Variants in SDHAF3 observed in about 807,000 individuals in gnomAD.
The protein encoded by SDHAF3 is succinate dehydrogenase assembly factor 3, mitochondrial.
SDHAF3 carries 18 observed loss-of-function variants against 11.5 expected under a neutral mutation model. The observed-to-expected ratio is 1.56, with a 90% CI of 1.08 to 2.32. The LOEUF (loss-of-function observed/expected upper bound fraction) is 2.32, where lower values mean the gene tolerates loss of function less well. Among genes scored for constraint, SDHAF3 ranks in the 30% most tolerant of loss-of-function variants. The pLI is 0.00. For missense variants in SDHAF3, 200 were observed against 154.4 expected (o/e 1.30, Z -1.57); for synonymous variants, 72 against 59.3 (o/e 1.21, Z -0.99).
intron 1 of SDHAF3, among the ~76,000 whole-genome samples, chr7:97,164,325 T>C (rs942663329): frequency 6.6e-6 from 1 of 151,360 alleles, no homozygotes; most frequent in Non-Finnish European, 1.5e-5. Flanking sequence ...ATTCAACAGA[T>C]TGTATGGTGG....
intron 1 of SDHAF3, among the ~76,000 whole-genome samples, chr7:97,123,305 TC>T (rs1419028844): frequency 1.3e-5 from 2 of 152,184 alleles, no homozygotes; most frequent in African/African-American, 4.8e-5. Context: ...TTCATCCATG[TC>T]CCAGCAAAGG....
chr7:97,167,348 C>T (rs1003852286), intron 1 of SDHAF3, among the ~76,000 whole-genome samples: 2 of 152,176 alleles, frequency 1.3e-5, no homozygotes, highest in Admixed American at 6.5e-5. Flanking sequence ...TATGATTGTA[C>T]ATTTCCTGAG....
intron 1 of SDHAF3, among the ~76,000 whole-genome samples, chr7:97,160,329 G>A (rs10266728): frequency 2.5e-3 from 372 of 150,254 alleles, no homozygotes; most frequent in African/African-American, 8.7e-3. Flanking sequence ...CCTCTGCCCA[G>A]CCGCCCCATC....
intron 1 of SDHAF3, among the ~76,000 whole-genome samples, chr7:97,145,407 T>C (rs1230605790): frequency 6.6e-6 from 1 of 152,220 alleles, no homozygotes; most frequent in Non-Finnish European, 1.5e-5. Flanking sequence ...ATATATATGT[T>C]TTAACTAATT....
intron 1 of SDHAF3, among the ~76,000 whole-genome samples, chr7:97,142,412 A>G (rs1013218360): frequency 1.3e-5 from 2 of 152,118 alleles, no homozygotes; most frequent in Non-Finnish European, 2.9e-5. Flanking sequence ...CTGAAATTGT[A>G]TTTTATAAAT....
chr7:97,134,281 A>G (rs994388883), intron 1 of SDHAF3, among the ~76,000 whole-genome samples: 3 of 152,200 alleles, frequency 2.0e-5, no homozygotes, highest in Non-Finnish European at 2.9e-5. Flanking sequence ...ACTTCCAATC[A>G]TGGGCCTCAA....
chr7:97,159,505 C>T (rs1345629754), intron 1 of SDHAF3, among the ~76,000 whole-genome samples: 2 of 152,172 alleles, frequency 1.3e-5, no homozygotes, highest in African/African-American at 4.8e-5. Context: ...CCAAATAGCC[C>T]CCTCAGCACA....
At chr7:97,121,149 G>C (rs1420946351) in intron 1 of SDHAF3, among the ~76,000 whole-genome samples, 1 of 152,166 alleles carries the variant, frequency 6.6e-6, no homozygotes, top group East Asian at 1.9e-4. Flanking sequence ...GTAACTATTA[G>C]AAGTGAAATT....
chr7:97,164,159 C>T (rs377226674), intron 1 of SDHAF3, among the ~76,000 whole-genome samples: 6 of 151,216 alleles, frequency 4.0e-5, no homozygotes, highest in East Asian at 1.9e-4. Context: ...TTGGCCAAGA[C>T]GGTCTCGATC....
At chr7:97,166,632 A>C (rs1789509708) in intron 1 of SDHAF3, among the ~76,000 whole-genome samples, 2 of 152,104 alleles carry the variant, frequency 1.3e-5, no homozygotes, top group South Asian at 4.1e-4. Flanking sequence ...TGAATTCCAA[A>C]AGGAAGAAGG....
At chr7:97,138,064 C>T (rs768096628) in intron 1 of SDHAF3, among the ~76,000 whole-genome samples, 7 of 151,522 alleles carry the variant, frequency 4.6e-5, no homozygotes, top group Non-Finnish European at 8.8e-5. Context: ...TAGGTTTCAC[C>T]GCGTTGGCTA....
intron 1 of SDHAF3, among the ~76,000 whole-genome samples, chr7:97,151,883 T>G (rs1299594808): frequency 1.3e-5 from 2 of 152,126 alleles, no homozygotes; most frequent in Non-Finnish European, 2.9e-5. Flanking sequence ...AACTTCAGCT[T>G]GCATCCACTG....
At chr7:97,159,261 T>A (rs559196336) in intron 1 of SDHAF3, among the ~76,000 whole-genome samples, 1 of 152,332 alleles carries the variant, frequency 6.6e-6, no homozygotes, top group Non-Finnish European at 1.5e-5. Context: ...TAATCTCCTC[T>A]AAGCAGTGAT....
intron 1 of SDHAF3, among the ~76,000 whole-genome samples, chr7:97,127,777 G>A (rs540092307): frequency 6.6e-6 from 1 of 152,174 alleles, no homozygotes; most frequent in South Asian, 2.1e-4. Flanking sequence ...CATTTCCCAA[G>A]TATGAGTGGG....
At chr7:97,180,978 T>G (rs1789762755) in intron 1 of SDHAF3, 34 bp from the exon 2 acceptor site, 1 of 1,549,584 alleles carries the variant, frequency 6.5e-7, no homozygotes, top group Non-Finnish European at 8.7e-7. Flanking sequence ...TATTTAAACT[T>G]TACATCTATA....
intron 1 of SDHAF3, among the ~76,000 whole-genome samples, chr7:97,163,969 G>C (rs181816236): frequency 7.4e-5 from 11 of 147,736 alleles, no homozygotes; most frequent in Non-Finnish European, 1.5e-4. Context: ...TTTTTTTTGA[G>C]ACACAGTCTT....
At chr7:97,154,515 C>T (rs751903976) in intron 1 of SDHAF3, among the ~76,000 whole-genome samples, 3 of 151,896 alleles carry the variant, frequency 2.0e-5, no homozygotes, top group Non-Finnish European at 4.4e-5. Flanking sequence ...TTGATACATT[C>T]TAAATGCTAG....
chr7:97,150,231 TC>T, intron 1 of SDHAF3, among the ~76,000 whole-genome samples: 1 of 152,328 alleles, frequency 6.6e-6, no homozygotes, highest in South Asian at 2.1e-4. Flanking sequence ...TCTTCCAAAC[TC>T]CTGTTAATGT....
chr7:97,136,934 C>T (rs549136215), intron 1 of SDHAF3, among the ~76,000 whole-genome samples: 1 of 152,102 alleles, frequency 6.6e-6, no homozygotes, highest in African/African-American at 2.4e-5. Flanking sequence ...TAGATTTATA[C>T]TGAAAATATA....
Sources: gnomAD v4.1 joint callset for allele counts (sites outside exome capture counted in the v4.1 genomes callset) on GRCh38, gnomAD v4.1.1 for gene constraint, MANE v1.5 for transcripts, NCBI Gene and HGNC (gene_info 2026-07-23, HGNC 2026-07-21) for gene names.